The following TOPAZ1 variants were observed in gnomAD, a reference collection of about 807,000 sequenced individuals.
TOPAZ1 encodes testis and ovary specific TOPAZ 1.
Under a neutral mutation model 172.2 loss-of-function variants are expected in TOPAZ1, and 66 were observed. That is an observed-to-expected ratio of 0.38 (90% confidence interval 0.31 to 0.47). TOPAZ1 has a LOEUF of 0.47. Ranked by LOEUF, TOPAZ1 falls within the 20% of genes least tolerant of loss-of-function variation. The pLI, the probability that TOPAZ1 is intolerant of heterozygous loss-of-function variation, is 0.99. For synonymous variants in TOPAZ1, 681 were observed against 683.9 expected (o/e 1.00, Z 0.07); for missense variants, 1,822 against 1,972.4 (o/e 0.92, Z 1.44).
intron 7 of TOPAZ1, among the ~76,000 whole-genome samples, chr3:44,269,821 G>A (rs1280405776): frequency 6.6e-6 from 1 of 151,856 alleles, no homozygotes; most frequent in Non-Finnish European, 1.5e-5. Flanking sequence ...TAGTAGAGAT[G>A]GGGTTTCACC....
chr3:44,294,159 G>C (rs1418590821), intron 12 of TOPAZ1, among the ~76,000 whole-genome samples: 1 of 151,956 alleles, frequency 6.6e-6, no homozygotes, highest in East Asian at 1.9e-4. Context: ...AGAATTGCTT[G>C]AATCTGGAAA....
chr3:44,336,276 G>A (rs115481429), downstream of TOPAZ1, among the ~76,000 whole-genome samples: 203 of 152,246 alleles, frequency 1.3e-3, no homozygotes, highest in African/African-American at 4.7e-3. Flanking sequence ...AATAGAACAG[G>A]GCTAAAAAGG....
intron 16 of TOPAZ1, among the ~76,000 whole-genome samples, chr3:44,320,220 A>G (rs117288060): frequency 1.4e-3 from 206 of 152,316 alleles, no homozygotes; most frequent in East Asian, 0.012. Context: ...TTTTATTATT[A>G]TGCTTTTATA....
At chr3:44,304,706 G>A (rs1700315037) in intron 13 of TOPAZ1, among the ~76,000 whole-genome samples, 1 of 152,170 alleles carries the variant, frequency 6.6e-6, no homozygotes, top group Middle Eastern at 3.2e-3. Flanking sequence ...GTAGAACGTA[G>A]TGTCCAAAAC....
At position 44,242,044 on chromosome 3, in the gene TOPAZ1, C is replaced by G. The variant is rs1699482862; in HGVS notation, c.-10C>G. The stretch of plus-strand genomic sequence containing the variant: ...TGCAGAGGGGCCCCAGCGGGCCGGC[C>G]CCGGGGCACATGCGACGACCTCCAC... On this transcript the variant is annotated 5_prime_UTR_variant, in exon 1 of 20. Transcript: ENST00000309765. 6.5e-7 allele frequency: 1 copy of G among 1,541,426 alleles called. No individual in the cohort carries two copies. Among genetic ancestry groups the G allele is most frequent in the Admixed American group, 2.0e-5 (1 of 50,640 alleles).
Position 44,243,115 on chromosome 3 carries a change from C to G in TOPAZ1, c.609C>G (p.Tyr203Ter). Residue 203 changes from tyrosine (Y) to a stop codon, truncating the protein, a stop_gained, in exon 2 of 20, where the codon TAC (tyrosine) becomes TAG (stop). Transcript: ENST00000309765. LOFTEE classifies it high-confidence loss of function. ...NIKVEFQDEL[Y>*]KNTPKYSCNI... Reference sequence around the variant, plus strand: ...AGGTTGAATTCCAAGATGAACTGTACAAGAATACTCCAAAATATTCTTGTA... The same window carrying G: ...AGGTTGAATTCCAAGATGAACTGTAGAAGAATACTCCAAAATATTCTTGTA... 1 of 1,550,006 alleles carries G rather than the reference C, an allele frequency of 6.5e-7. No individual in the cohort carries two copies. The highest frequency in any genetic ancestry group is 8.7e-7 in the Non-Finnish European group (1 of 1,146,184).
chr3:44,248,024 T>C (rs569449166), intron 2 of TOPAZ1, among the ~76,000 whole-genome samples: 2 of 152,340 alleles, frequency 1.3e-5, no homozygotes, highest in East Asian at 3.9e-4. Context: ...GAGTTCACGA[T>C]TACTGTGTTC....
intron 16 of TOPAZ1, among the ~76,000 whole-genome samples, chr3:44,310,971 G>A (rs1291475788): frequency 6.6e-6 from 1 of 152,132 alleles, no homozygotes. Flanking sequence ...TAATGATAGC[G>A]CTGGCTATTT....
At chr3:44,319,467 C>T (rs999247629) in intron 16 of TOPAZ1, among the ~76,000 whole-genome samples, 1 of 152,024 alleles carries the variant, frequency 6.6e-6, no homozygotes, top group Non-Finnish European at 1.5e-5. Flanking sequence ...ACTTTTTGTA[C>T]ATGGGATATA....
chr3:44,252,717 A>C (rs1426281754), intron 2 of TOPAZ1, among the ~76,000 whole-genome samples: 1 of 152,206 alleles, frequency 6.6e-6, no homozygotes, highest in Non-Finnish European at 1.5e-5. Flanking sequence ...GATATGTTCC[A>C]GTAGTTCTCT....
chr3:44,321,151 T>G lies in TOPAZ1; in HGVS notation c.4431T>G (p.Phe1477Leu), dbSNP rs986351136. The change falls in exon 17 of 20, where the codon TTT (phenylalanine) becomes TTG (leucine). Residue 1477 changes from phenylalanine to leucine, a missense_variant. This residue lies in a region of TOPAZ1 where 333 missense variants were observed against 481.7 expected (regional missense o/e 0.69). Transcript: ENST00000309765. ...ILAKSLYRQT[F>L]EVLQNLPGFQ... is the part of the protein sequence containing the mutation. ...CCAAGAGCCTTTATAGACAGACATT[T>G]GAAGTTTTGCAGAATCTACCAGGTT... 4 of 1,548,122 alleles carry G rather than the reference T, an allele frequency of 2.6e-6. No individual in the cohort carries two copies. The African/African-American group carries it at 5.5e-5, about 21-fold the overall frequency.
chr3:44,275,691 T>A (rs1699945549), intron 8 of TOPAZ1, among the ~76,000 whole-genome samples: 1 of 151,702 alleles, frequency 6.6e-6, no homozygotes, highest in South Asian at 2.1e-4. Context: ...AATTTACTAA[T>A]TTTTTTTTCT....
intron 18 of TOPAZ1, among the ~76,000 whole-genome samples, chr3:44,327,924 A>G (rs1700620211): frequency 6.6e-6 from 1 of 151,844 alleles, no homozygotes; most frequent in African/African-American, 2.4e-5. Context: ...TTTGTATTTT[A>G]GTAGGGATGG....
In TOPAZ1 at chr3:44,241,909, C is replaced by T; in HGVS notation, c.-145C>T. The stretch of plus-strand genomic sequence containing the variant: ...CCACTTCCGCTTACGCGCCCCACTT[C>T]CGCTTCCGGCCCCGGGCTGTGGTGA... On this transcript the variant is annotated 5_prime_UTR_variant, in exon 1 of 20. Transcript: ENST00000309765. The T allele has an allele frequency of 1.3e-6, 1 of 791,780 alleles. No homozygotes were observed. The highest frequency in any genetic ancestry group is 1.9e-6 in the Non-Finnish European group (1 of 522,582). The allele number at this position is 791,780 out of a possible 1,614,324, so 49.0% of individuals were successfully genotyped here.
intron 9 of TOPAZ1, among the ~76,000 whole-genome samples, chr3:44,284,161 G>A (rs1405090280): frequency 6.6e-6 from 1 of 152,052 alleles, no homozygotes; most frequent in Non-Finnish European, 1.5e-5. Flanking sequence ...TTAAGTGTAC[G>A]ATTCACTGGC....
At chr3:44,284,716 C>A (rs1700059309) in intron 9 of TOPAZ1, among the ~76,000 whole-genome samples, 1 of 152,072 alleles carries the variant, frequency 6.6e-6, no homozygotes, top group Non-Finnish European at 1.5e-5. Flanking sequence ...AGTTTTATGG[C>A]CAAAAACATT....
At position 44,300,375 on chromosome 3, in the gene TOPAZ1, C is replaced by T. The variant is rs192071622; in HGVS notation, c.3798-3640C>T. Among the ~76,000 whole-genome samples, 142 of 151,954 alleles carry T rather than the reference C, an allele frequency of 9.3e-4. 2 individuals carry two copies. The highest frequency in any genetic ancestry group is 3.4e-3 in the African/African-American group (140 of 41,432). Reference sequence around the variant, plus strand: ...TCACTTGAACCCAGGTTGTAGTGAACTGAGATCGTGCCACTGCACTCCAGC... The same window carrying T: ...TCACTTGAACCCAGGTTGTAGTGAATTGAGATCGTGCCACTGCACTCCAGC... On this transcript the variant is annotated intron_variant, in intron 12 of 19. Transcript: ENST00000309765.
At chr3:44,300,217 G>T (rs551728479) in intron 12 of TOPAZ1, among the ~76,000 whole-genome samples, 42 of 152,188 alleles carry the variant, frequency 2.8e-4, no homozygotes, top group African/African-American at 9.6e-4. Flanking sequence ...CAGATCACTT[G>T]AGGTCAGGAG....
intron 14 of TOPAZ1, 126 bp from the exon 15 acceptor site, chr3:44,306,199 CA>C: frequency 3.5e-6 from 2 of 571,336 alleles, no homozygotes; most frequent in East Asian, 2.8e-5. Flanking sequence ...CTAGGCTATA[CA>C]AAAACGGGGC....
Sources: gnomAD v4.1 joint callset for allele counts (sites outside exome capture counted in the v4.1 genomes callset) on GRCh38, gnomAD v4.1.1 for gene constraint, gnomAD v4.1.1 regional missense constraint, MANE v1.5 for transcripts, NCBI Gene and HGNC (gene_info 2026-07-23, HGNC 2026-07-21) for gene names.